Variants in DISC1 observed in about 807,000 individuals in gnomAD.
The protein encoded by DISC1 is DISC1 scaffold protein, also known as disrupted in schizophrenia 1 protein.
A neutral mutation model predicts 84.5 loss-of-function variants in DISC1; 57 were observed. The ratio of observed to expected loss-of-function variants is 0.67; its 90% CI spans 0.55 to 0.84. The LOEUF (loss-of-function observed/expected upper bound fraction) is 0.84, where lower values mean the gene tolerates loss of function less well. Among genes scored for constraint, DISC1 ranks in the 40% least tolerant of loss-of-function variants. DISC1 has a pLI of 0.00. For synonymous variants in DISC1, 411 were observed against 415.2 expected (o/e 0.99, Z 0.12); for missense variants, 1,000 against 1,057.8 (o/e 0.95, Z 0.76).
intron 8 of DISC1, among the ~76,000 whole-genome samples, chr1:231,801,488 G>T (rs1338605803): frequency 6.6e-6 from 1 of 152,232 alleles, no homozygotes; most frequent in Admixed American, 6.5e-5. Flanking sequence ...GGTATATTGC[G>T]TATGGCGCAG....
intron 12 of DISC1, among the ~76,000 whole-genome samples, chr1:232,027,166 C>A (rs925666557): frequency 6.6e-6 from 1 of 152,172 alleles, no homozygotes; most frequent in Non-Finnish European, 1.5e-5. Context: ...CTCTGTGTGG[C>A]CCTGGTGAAG....
In DISC1 at chr1:231,901,736, A is replaced by G. The variant is rs116418760; in HGVS notation, c.1982-57092A>G. 3.8e-3 allele frequency among the ~76,000 whole-genome samples: 574 copies of G among 152,264 alleles called. 5 individuals are homozygous for G. Among genetic ancestry groups the G allele is most frequent in the African/African-American group, 0.013 (560 of 41,566 alleles). On this transcript the variant is annotated intron_variant, in intron 9 of 12. Coordinates refer to ENST00000439617, the MANE Select transcript of DISC1 (RefSeq NM_018662.3). ...TTTACTTTCCAAACTGTACTTTATTATTATATATTTAATCATGCAGTGTAT... is the reference window on the plus strand; with the variant it reads ...TTTACTTTCCAAACTGTACTTTATTGTTATATATTTAATCATGCAGTGTAT...
At chr1:231,762,253 CTTTA>C (rs1558498710) in intron 4 of DISC1, among the ~76,000 whole-genome samples, 4 of 23,014 alleles carry the variant, frequency 1.7e-4, no homozygotes, top group Non-Finnish European at 3.5e-4. Context: ...CTTTTCTTTT[CTTTA>C]TTTTCTTTCC....
chr1:231,881,259 A>G (rs2086272512), intron 9 of DISC1, among the ~76,000 whole-genome samples: 1 of 152,192 alleles, frequency 6.6e-6, no homozygotes, highest in South Asian at 2.1e-4. Context: ...CAAAGACCAC[A>G]AACCGGGTGG....
intron 3 of DISC1, among the ~76,000 whole-genome samples, chr1:231,746,534 C>G (rs934350283): frequency 7.9e-5 from 12 of 152,172 alleles, no homozygotes; most frequent in African/African-American, 2.7e-4. Flanking sequence ...ATACTGTTCT[C>G]CATTGTGGCT....
intron 10 of DISC1, among the ~76,000 whole-genome samples, chr1:231,979,426 T>C (rs1015596055): frequency 4.6e-5 from 7 of 151,946 alleles, no homozygotes; most frequent in Non-Finnish European, 1.0e-4. Flanking sequence ...GGCCTTATCA[T>C]TAGTCGAATC....
At position 231,897,574 on chromosome 1, in the gene DISC1, T is replaced by C. The variant is rs576378794; in HGVS notation, c.1982-61254T>C. On this transcript the variant is annotated intron_variant, in intron 9 of 12. Transcript: ENST00000439617. This position sits in a 1 kb window ranked among gnomAD's most constrained non-coding sequence, Gnocchi z 4.5. ...CCTATTTGTGGCATCTGAAAAACTT[T>C]GCGGCAGCATTTTACAGCCATTTAT... Among the ~76,000 whole-genome samples the C allele has an allele frequency of 6.6e-6, 1 of 152,332 alleles. No individual in the cohort carries two copies. Among genetic ancestry groups the C allele is most frequent in the Middle Eastern group, 3.4e-3 (1 of 294 alleles).
chr1:232,008,745 C>T, intron 10 of DISC1, 40 bp from the exon 11 acceptor site: 2 of 1,521,588 alleles, frequency 1.3e-6, no homozygotes, highest in Non-Finnish European at 1.8e-6. Flanking sequence ...TGAAACATCA[C>T]TGAGTTCATT....
At chr1:231,763,085 A>G (rs1289402063) in intron 4 of DISC1, among the ~76,000 whole-genome samples, 2 of 151,970 alleles carry the variant, frequency 1.3e-5, no homozygotes, top group African/African-American at 4.8e-5. Context: ...GTGTGTGTGG[A>G]TGTGACTGGA....
Position 231,954,145 on chromosome 1 carries a change from A to AT in DISC1, c.1982-4678dup, listed in dbSNP as rs577474906. ...TTTTTCCCATCAGACTCATAGGGAT[A>AT]TTTTTGGATTATTGGTTATGATGAA... is the stretch of plus-strand genomic sequence containing the variant. On this transcript the variant is annotated intron_variant, in intron 9 of 12. Transcript: ENST00000439617. The surrounding 1 kb of genome is among the most constrained non-coding windows in gnomAD (Gnocchi z 4.8). Among the ~76,000 whole-genome samples, 247 of 152,090 alleles carry AT rather than the reference A, an allele frequency of 1.6e-3. No individual in the cohort carries two copies. The highest frequency in any genetic ancestry group is 3.4e-3 in the Middle Eastern group (1 of 294).
chr1:231,782,910 C>G (rs1404356941), intron 6 of DISC1, among the ~76,000 whole-genome samples: 1 of 152,050 alleles, frequency 6.6e-6, no homozygotes. Flanking sequence ...TCACTCTACT[C>G]CAGCCTGGGT....
At chr1:231,642,469 C>G (rs922055074) in intron 1 of DISC1, among the ~76,000 whole-genome samples, 1 of 152,230 alleles carries the variant, frequency 6.6e-6, no homozygotes, top group African/African-American at 2.4e-5. Context: ...TGTCACCTCT[C>G]GTGAGTATCT....
At chr1:231,629,571 CAAG>C (rs1463566837) in intron 1 of DISC1, 14 of 152,590 alleles carry the variant, frequency 9.2e-5, no homozygotes, top group Admixed American at 2.0e-4. Flanking sequence ...AAGCTACAAA[CAAG>C]TAAGTGAACA....
intron 12 of DISC1, among the ~76,000 whole-genome samples, chr1:232,026,931 A>G (rs1186021515): frequency 6.6e-6 from 1 of 151,686 alleles, no homozygotes; most frequent in Admixed American, 6.6e-5. Context: ...TTGTATTTTT[A>G]GTAGAGAGAG....
chr1:231,753,754 A>G (rs1303365633), intron 4 of DISC1, among the ~76,000 whole-genome samples: 1 of 152,196 alleles, frequency 6.6e-6, no homozygotes, highest in Non-Finnish European at 1.5e-5. Context: ...CTTTAAATAT[A>G]AGTTCAAACT....
intron 6 of DISC1, among the ~76,000 whole-genome samples, chr1:231,784,663 T>A (rs2077694122): frequency 6.6e-6 from 1 of 152,252 alleles, no homozygotes; most frequent in Admixed American, 6.5e-5. Context: ...GGTCTTTCTA[T>A]ACTTTATTCC....
chr1:231,934,526 A>G (rs1347959025), intron 9 of DISC1, among the ~76,000 whole-genome samples: 1 of 152,198 alleles, frequency 6.6e-6, no homozygotes, highest in Non-Finnish European at 1.5e-5. Context: ...AAGTGACGCA[A>G]ATCACAGTAG....
At chr1:231,963,050 G>C (rs1031398192) in intron 10 of DISC1, among the ~76,000 whole-genome samples, 5 of 152,152 alleles carry the variant, frequency 3.3e-5, no homozygotes, top group African/African-American at 1.2e-4. Context: ...TCTCCAGGTG[G>C]TTTTGAGTAA....
chr1:231,709,264 C>G (rs1316340991), intron 3 of DISC1, among the ~76,000 whole-genome samples: 1 of 152,102 alleles, frequency 6.6e-6, no homozygotes, highest in East Asian at 1.9e-4. Flanking sequence ...GAGTCAAGTG[C>G]CACCTACTTG....
Sources: allele counts gnomAD v4.1 joint callset (sites outside exome capture counted in the v4.1 genomes callset), GRCh38; gene constraint gnomAD v4.1.1; non-coding constraint Gnocchi (gnomAD v3.1); transcripts MANE v1.5; gene names NCBI Gene and HGNC (gene_info 2026-07-23, HGNC 2026-07-21).